TRAPPC9: variants seen among roughly 807,000 people sequenced by gnomAD.
TRAPPC9 encodes the protein trafficking protein particle complex subunit 9.
In TRAPPC9, 83 loss-of-function variants were observed where a neutral mutation model predicts 124.0. The observed-to-expected ratio is 0.67, with a 90% CI of 0.56 to 0.80. The LOEUF is 0.80. TRAPPC9 is among the 30% of genes least tolerant of loss of function. The probability of loss-of-function intolerance (pLI) is 0.00; values close to 1 mark genes in which losing one functional copy is unlikely to be tolerated. For synonymous variants in TRAPPC9, 638 were observed against 617.5 expected (o/e 1.03, Z -0.49); for missense variants, 1,302 against 1,508.3 (o/e 0.86, Z 2.27).
intron 16 of TRAPPC9, among the ~76,000 whole-genome samples, chr8:140,228,054 C>T (rs1234634291): frequency 2.0e-5 from 3 of 152,206 alleles, no homozygotes; most frequent in African/African-American, 2.4e-5. Flanking sequence ...TCCACTAAAC[C>T]GATCACAAGG....
intron 2 of TRAPPC9, among the ~76,000 whole-genome samples, chr8:140,446,446 G>C (rs1322704784): frequency 6.6e-6 from 1 of 152,162 alleles, no homozygotes; most frequent in Non-Finnish European, 1.5e-5. Context: ...CACTTATACA[G>C]GGCCTTGTGT....
rs1290616301 is a variant in TRAPPC9, at chr8:140,104,446, C to CG, written c.2557-80368dup. 6.6e-6 allele frequency among the ~76,000 whole-genome samples: 1 copy of CG among 151,948 alleles called. No homozygotes were observed. The highest frequency in any genetic ancestry group is 1.5e-5 in the Non-Finnish European group (1 of 67,992). On this transcript the variant is annotated intron_variant, in intron 17 of 22. Transcript: ENST00000438773. This position sits in a 1 kb window ranked among gnomAD's most constrained non-coding sequence, Gnocchi z 4.0. ...TCTCTGAGATACTCACAGGCCCGTG[C>CG]GATAGTTGGATATCTAAGTGGGCAC...
At position 139,885,989 on chromosome 8, in the gene TRAPPC9, A is replaced by G. The variant is rs772779775; in HGVS notation, c.2965-20T>C. 4 of 1,555,566 alleles carry G rather than the reference A, an allele frequency of 2.6e-6. No homozygotes were observed. The highest frequency in any genetic ancestry group is 2.6e-6 in the Non-Finnish European group (3 of 1,148,858). ...GGAGGGGTGAGCCTTGGTCAAGGAA[A>G]ACGCAACTCCTGCGGAGCCCAGGGA... On this transcript the variant is annotated intron_variant, in intron 20 of 22. Transcript: ENST00000438773.
At chr8:140,036,841 ATTTTT>A (rs1042531120) in intron 17 of TRAPPC9, among the ~76,000 whole-genome samples, 1 of 151,996 alleles carries the variant, frequency 6.6e-6, no homozygotes, top group African/African-American at 2.4e-5. Context: ...CATTATTGTT[ATTTTT>A]TTTATTTTTT....
chr8:140,200,564 G>A (rs2062763733), intron 17 of TRAPPC9, among the ~76,000 whole-genome samples: 5 of 152,104 alleles, frequency 3.3e-5, no homozygotes. Flanking sequence ...CATAAGAAGG[G>A]CACGTCGACT....
At chr8:139,741,018 G>A (rs548391241) in intron 21 of TRAPPC9, among the ~76,000 whole-genome samples, 1 of 152,270 alleles carries the variant, frequency 6.6e-6, no homozygotes, top group African/African-American at 2.4e-5. Flanking sequence ...CCAGCCAGAG[G>A]TTTCTGTGAC....
intron 19 of TRAPPC9, among the ~76,000 whole-genome samples, chr8:139,987,905 T>C (rs2941571): frequency 0.34 from 50,900 of 151,926 alleles, 9,067 homozygotes; most frequent in East Asian, 0.43. Context: ...CACTCACCTC[T>C]GCCGGGCCAG....
chr8:140,000,551 C>G (rs1438191987), intron 18 of TRAPPC9, among the ~76,000 whole-genome samples: 1 of 152,152 alleles, frequency 6.6e-6, no homozygotes, highest in South Asian at 2.1e-4. Context: ...AAACAAACAA[C>G]CCCATCAAAA....
At chr8:140,135,406 C>T (rs1266851576) in intron 17 of TRAPPC9, among the ~76,000 whole-genome samples, 1 of 152,050 alleles carries the variant, frequency 6.6e-6, no homozygotes, top group Non-Finnish European at 1.5e-5. Context: ...CAAGCATAAA[C>T]GGATAAACAA....
intron 21 of TRAPPC9, among the ~76,000 whole-genome samples, chr8:139,801,357 C>T (rs757923565): frequency 4.6e-5 from 7 of 152,240 alleles, no homozygotes; most frequent in Non-Finnish European, 8.8e-5. Flanking sequence ...ACCTCCTGAG[C>T]CAGGGTGCTC....
At chr8:140,283,548 CG>C in intron 14 of TRAPPC9, among the ~76,000 whole-genome samples, 1 of 151,556 alleles carries the variant, frequency 6.6e-6, no homozygotes, top group Non-Finnish European at 1.5e-5. Flanking sequence ...CCACCCGCCT[CG>C]GTCTTCAAAG....
At chr8:139,898,432 A>G (rs1462216772) in intron 20 of TRAPPC9, among the ~76,000 whole-genome samples, 2 of 152,216 alleles carry the variant, frequency 1.3e-5, no homozygotes, top group African/African-American at 2.4e-5. Context: ...TTTTCCAGGG[A>G]TGATGCAGAA....
chr8:140,419,428 CAAAAAAAAAAA>C (rs61155157), intron 5 of TRAPPC9, among the ~76,000 whole-genome samples: 1 of 79,590 alleles, frequency 1.3e-5, no homozygotes, highest in Admixed American at 1.8e-4. Flanking sequence ...GACTCCGTCT[CAAAAAAAAAAA>C]AAAAAAAAAA....
chr8:140,340,855 C>G (rs982639648), intron 9 of TRAPPC9, among the ~76,000 whole-genome samples: 1 of 152,212 alleles, frequency 6.6e-6, no homozygotes, highest in South Asian at 2.1e-4. Flanking sequence ...AACTGTGAGA[C>G]TCTTTAAGAG....
chr8:140,154,588 T>C (rs911325568), intron 17 of TRAPPC9, among the ~76,000 whole-genome samples: 1 of 152,180 alleles, frequency 6.6e-6, no homozygotes, highest in Admixed American at 6.5e-5. Flanking sequence ...GCTTTGAGCA[T>C]TCTCCCTCTC....
chr8:140,049,242 G>A (rs991858973), intron 17 of TRAPPC9, among the ~76,000 whole-genome samples: 4 of 152,210 alleles, frequency 2.6e-5, no homozygotes, highest in South Asian at 2.1e-4. Flanking sequence ...TGGGGCCTGC[G>A]GGCCCAGAGT....
At position 139,732,120 on chromosome 8, in the gene TRAPPC9, C is replaced by T. The variant is rs751141134; in HGVS notation, c.3138G>A (p.Arg1046=). Residue 1046 remains arginine (R), a synonymous_variant, in exon 22 of 23, where the codon CGG becomes CGA. Transcript: ENST00000438773. The stretch of plus-strand genomic sequence containing the variant: ...CGCTGCGCGGGCTCCGGTTGGTCAG[C>T]CGCACCTCCAGGCGCACGGGGTCGC... ...QVGDPVRLEV[R]LTNRSPRSVG... 7 of 1,607,002 alleles carry T rather than the reference C, an allele frequency of 4.4e-6. No individual in the cohort carries two copies. The South Asian group carries it at 6.7e-5, about 15-fold the overall frequency.
intron 21 of TRAPPC9, among the ~76,000 whole-genome samples, chr8:139,800,989 G>A (rs73362199): frequency 3.9e-5 from 5 of 126,842 alleles, no homozygotes; most frequent in South Asian, 2.6e-4. Context: ...ATCTTCCCCC[G>A]CTCTGGCACC....
intron 18 of TRAPPC9, among the ~76,000 whole-genome samples, chr8:140,022,157 G>T (rs1369000940): frequency 6.6e-6 from 1 of 152,152 alleles, no homozygotes; most frequent in Non-Finnish European, 1.5e-5. Flanking sequence ...ATGACAACGG[G>T]AAACAAGGCT....
Sources: gnomAD v4.1 joint callset for allele counts (sites outside exome capture counted in the v4.1 genomes callset) on GRCh38, gnomAD v4.1.1 for gene constraint, Gnocchi (gnomAD v3.1) non-coding constraint, MANE v1.5 for transcripts, NCBI Gene and HGNC (gene_info 2026-07-23, HGNC 2026-07-21) for gene names.